POM121: variants seen among roughly 807,000 people sequenced by gnomAD.
The protein encoded by POM121 is POM121 transmembrane nucleoporin, also known as nuclear envelope pore membrane protein POM 121.
POM121 carries 32 observed loss-of-function variants against 81.3 expected under a neutral mutation model. The observed-to-expected ratio is 0.39, with a 90% CI of 0.30 to 0.53. The LOEUF (loss-of-function observed/expected upper bound fraction) is 0.53. Ranked by LOEUF, POM121 falls within the 20% of genes least tolerant of loss-of-function variation. The probability of loss-of-function intolerance (pLI) is 0.66; values close to 1 mark genes in which losing one functional copy is unlikely to be tolerated. For synonymous variants in POM121, 514 were observed against 694.2 expected (o/e 0.74, Z 4.08); for missense variants, 1,138 against 1,614.6 (o/e 0.70, Z 5.06).
chr7:72,933,168 G>A (rs575644444), intron 5 of POM121, among the ~76,000 whole-genome samples: 8 of 152,034 alleles, frequency 5.3e-5, no homozygotes, highest in Non-Finnish European at 7.4e-5. Flanking sequence ...CCTGGCCAAC[G>A]TGGCAAAAAC....
In POM121 at chr7:72,945,663, G is replaced by A; in HGVS notation, c.3607G>A (p.Ala1203Thr). Reference protein sequence around the residue: ...GTSGSSLSFGASSAPAQGFVG... With the variant: ...GTSGSSLSFGTSSAPAQGFVG... ...ATCAGGCAGCAGCCTCTCCTTTGGG[G>A]CATCCTCAGCACCCGCCCAAGGCTT... Residue 1203 changes from alanine (A) to threonine (T), a missense_variant, in exon 12 of 13, where the codon GCA (alanine) becomes ACA (threonine). Ala to Thr is a moderately conservative substitution (Grantham distance 58). Around this residue, in one of 7 missense-constraint regions of POM121, gnomAD observed 336 missense variants for 344.3 expected, o/e 0.98. Transcript: ENST00000434423. 6.2e-7 allele frequency: 1 copy of A among 1,612,678 alleles called. No individual in the cohort carries two copies. Among genetic ancestry groups the A allele is most frequent in the Non-Finnish European group, 8.5e-7 (1 of 1,179,244 alleles).
intron 3 of POM121, among the ~76,000 whole-genome samples, chr7:72,901,101 A>G (rs1307274413): frequency 1.3e-5 from 2 of 151,502 alleles, no homozygotes; most frequent in Non-Finnish European, 2.9e-5. Context: ...TCCTCCCACC[A>G]CAGTCTCTCA....
At chr7:72,898,899 T>C (rs182878462) in intron 3 of POM121, among the ~76,000 whole-genome samples, 2 of 151,102 alleles carry the variant, frequency 1.3e-5, no homozygotes, top group African/African-American at 4.8e-5. Context: ...ATAGTTTGTC[T>C]CCGACTGGCG....
chr7:72,911,576 T>C (rs1488570463), intron 3 of POM121, among the ~76,000 whole-genome samples: 5 of 152,236 alleles, frequency 3.3e-5, no homozygotes, highest in Non-Finnish European at 7.3e-5. Flanking sequence ...GCAGTCACTG[T>C]GCCTTTGCGC....
chr7:72,892,050 G>A (rs1240669889), intron 3 of POM121, among the ~76,000 whole-genome samples: 1 of 152,080 alleles, frequency 6.6e-6, no homozygotes, highest in Admixed American at 6.6e-5. Context: ...CCCCATAACT[G>A]GAATCATGCT....
At chr7:72,918,964 AT>A (rs1488121832) in intron 4 of POM121, among the ~76,000 whole-genome samples, 3 of 151,904 alleles carry the variant, frequency 2.0e-5, no homozygotes, top group Non-Finnish European at 4.4e-5. Flanking sequence ...CACCCGGCTA[AT>A]TTTTTGTATT....
At position 72,930,100 on chromosome 7, in the gene POM121, G is replaced by A; in HGVS notation, c.1264G>A (p.Gly422Ser). The change falls in exon 5 of 13, where the codon GGC becomes AGC. Residue 422 changes from glycine to serine, a missense_variant. Coordinates refer to ENST00000434423, the MANE Select transcript of POM121 (RefSeq NM_001387691.1). ...TACCAGTTCCTACAGCTCCACTCGAGGCATCTCACAGGTACAAGTACAGCT... is the reference window on the plus strand; with the variant it reads ...TACCAGTTCCTACAGCTCCACTCGAAGCATCTCACAGGTACAAGTACAGCT... Reference protein sequence around the residue: ...AITSSYSSTRGISQLWKRNGP... With the variant: ...AITSSYSSTRSISQLWKRNGP... 1 of 1,610,702 alleles carries A rather than the reference G, an allele frequency of 6.2e-7. No homozygotes were observed. The highest frequency in any genetic ancestry group is 8.5e-7 in the Non-Finnish European group (1 of 1,178,402).
At chr7:72,928,516 G>A (rs1795697193) in intron 4 of POM121, 51 bp downstream of exon 4, 1 of 1,579,174 alleles carries the variant, frequency 6.3e-7, no homozygotes, top group Middle Eastern at 1.7e-4. Context: ...AAAAAGGCCT[G>A]ATCAGAGCTG....
Position 72,947,917 on chromosome 7 carries a change from G to T in POM121, c.*1683G>T. On this transcript the variant is annotated 3_prime_UTR_variant, in exon 13 of 13. Transcript: ENST00000434423. ...CCTTCCCACCCCTCAGAACAGCTCT[G>T]ATCCTCGTTAATACCTGGCTGCGTG... The T allele has an allele frequency of 3.9e-6, 4 of 1,027,510 alleles. 1 individual carries two copies. The highest frequency in any genetic ancestry group is 3.8e-5 in the South Asian group (1 of 26,512). The allele number at this position is 1,027,510 out of a possible 1,614,324, so 63.6% of individuals were successfully genotyped here.
chr7:72,939,605 G>A (rs546422343), intron 7 of POM121, among the ~76,000 whole-genome samples, 196 bp downstream of exon 7: 3 of 152,344 alleles, frequency 2.0e-5, no homozygotes, highest in Middle Eastern at 3.4e-3. Context: ...AGGGACTAAC[G>A]ATTGGATAGA....
At chr7:72,932,315 G>A (rs1295404688) in intron 5 of POM121, among the ~76,000 whole-genome samples, 3 of 150,984 alleles carry the variant, frequency 2.0e-5, no homozygotes, top group African/African-American at 4.9e-5. Context: ...TCTGAAAACC[G>A]CCACCTTCTA....
chr7:72,949,891 T>TG, downstream of POM121: 1 of 1,608,404 alleles, frequency 6.2e-7, no homozygotes, highest in South Asian at 1.1e-5. Flanking sequence ...CTTTATTGCC[T>TG]GGGGTGGCAC....
At chr7:72,893,722 A>G (rs569515620) in intron 3 of POM121, among the ~76,000 whole-genome samples, 1 of 152,286 alleles carries the variant, frequency 6.6e-6, no homozygotes, top group African/African-American at 2.4e-5. Flanking sequence ...ACGTGACAGC[A>G]CGTAGTAGGT....
chr7:72,925,781 T>C lies in POM121; in HGVS notation c.644+16T>C. On this transcript the variant is annotated intron_variant, in intron 1 of 12. Transcript: ENST00000434423. ...CTTCCCCACGGTAAGATGCGCTGAT[T>C]TTGTCAGATCATCCTCTGGCTCGGC... is the stretch of plus-strand genomic sequence containing the variant. 7.7e-7 allele frequency: 1 copy of C among 1,306,002 alleles called. No homozygotes were observed. The highest frequency in any genetic ancestry group is 2.0e-5 in the South Asian group (1 of 49,886). 80.9% of individuals were successfully genotyped at this position (1,306,002 alleles called of 1,614,324 possible).
chr7:72,909,723 A>G (rs1554493954), intron 3 of POM121, among the ~76,000 whole-genome samples: 2 of 152,136 alleles, frequency 1.3e-5, no homozygotes, highest in Non-Finnish European at 2.9e-5. Context: ...GTCATAGCTC[A>G]CTGCAGCTGT....
chr7:72,914,309 C>T (rs1554494777), intron 4 of POM121, among the ~76,000 whole-genome samples: 1 of 152,180 alleles, frequency 6.6e-6, no homozygotes, highest in Non-Finnish European at 1.5e-5. Context: ...ACTTAAGACT[C>T]CATGTCTTCC....
intron 3 of POM121, among the ~76,000 whole-genome samples, chr7:72,901,256 C>G (rs530427637): frequency 5.0e-4 from 75 of 150,568 alleles, no homozygotes; most frequent in African/African-American, 1.7e-3. Flanking sequence ...ACTCTGTTGC[C>G]TGTGCTGGAG....
chr7:72,927,530 T>G (rs1176202935), intron 3 of POM121, among the ~76,000 whole-genome samples: 2 of 152,026 alleles, frequency 1.3e-5, no homozygotes, highest in Non-Finnish European at 2.9e-5. Context: ...GCCAACATGG[T>G]GAAACCCCAT....
At chr7:72,936,773 T>C (rs1466306460) in intron 5 of POM121, among the ~76,000 whole-genome samples, 2 of 152,062 alleles carry the variant, frequency 1.3e-5, no homozygotes, top group Non-Finnish European at 2.9e-5. Context: ...CTGGAGCACA[T>C]TGTGAAGAAA....
Sources: allele counts gnomAD v4.1 joint callset (sites outside exome capture counted in the v4.1 genomes callset), GRCh38; gene constraint gnomAD v4.1.1; regional missense constraint gnomAD v4.1.1; transcripts MANE v1.5; gene names NCBI Gene and HGNC (gene_info 2026-07-23, HGNC 2026-07-21).